Variants in GNS observed in about 807,000 individuals in gnomAD.
GNS encodes the protein N-acetylglucosamine-6-sulfatase.
In GNS, 40 loss-of-function variants were observed where a neutral mutation model predicts 69.7. The ratio of observed to expected loss-of-function variants is 0.57; its 90% CI spans 0.45 to 0.75. The LOEUF (loss-of-function observed/expected upper bound fraction) is 0.75. Among genes scored for constraint, GNS ranks in the 30% least tolerant of loss-of-function variants. GNS has a pLI of 0.00. For missense variants in GNS, 565 were observed against 685.5 expected (o/e 0.82, Z 1.96); for synonymous variants, 243 against 251.6 (o/e 0.97, Z 0.32).
intron 5 of GNS, among the ~76,000 whole-genome samples, chr12:64,744,474 T>C (rs138938673): frequency 6.6e-6 from 1 of 152,324 alleles, no homozygotes; most frequent in East Asian, 1.9e-4. Context: ...AGCTGACATC[T>C]TGTAGCTTGT....
intron 9 of GNS, among the ~76,000 whole-genome samples, chr12:64,735,621 A>ATCTC (rs1286748813): frequency 6.6e-6 from 1 of 152,220 alleles, no homozygotes; most frequent in Non-Finnish European, 1.5e-5. Context: ...TTTCACTATG[A>ATCTC]TCTCATTCAG....
intron 9 of GNS, 186 bp from the exon 10 acceptor site, chr12:64,729,243 AG>A: frequency 1.7e-6 from 1 of 605,568 alleles, no homozygotes; most frequent in East Asian, 2.8e-5. Context: ...CAAAATATAA[AG>A]GCTTATAAGG....
At chr12:64,721,490 C>G in intron 12 of GNS, 105 bp downstream of exon 12, 1 of 756,192 alleles carries the variant, frequency 1.3e-6, no homozygotes, top group Non-Finnish European at 2.5e-6. Context: ...AACACAACCT[C>G]TTCCCTAGGG....
intron 1 of GNS, chr12:64,756,733 A>T: frequency 6.7e-7 from 1 of 1,502,390 alleles, no homozygotes; most frequent in Non-Finnish European, 8.9e-7. Flanking sequence ...GTCCTGTTTG[A>T]CAATTAGTGG....
chr12:64,756,806 G>C (rs1414742082), intron 1 of GNS: 2 of 1,012,256 alleles, frequency 2.0e-6, no homozygotes, highest in African/African-American at 1.6e-5. Flanking sequence ...CATTAAGTTT[G>C]ACTTATGCCC....
intron 10 of GNS, among the ~76,000 whole-genome samples, chr12:64,725,995 C>CAAAAAAAAAA (rs34734900): frequency 2.0e-5 from 1 of 49,214 alleles, no homozygotes; most frequent in Non-Finnish European, 3.5e-5. Context: ...GACTCTGTCT[C>CAAAAAAAAAA]AAAAAAAAAA....
At chr12:64,743,694 G>C (rs1869816771) in intron 5 of GNS, among the ~76,000 whole-genome samples, 1 of 152,182 alleles carries the variant, frequency 6.6e-6, no homozygotes, top group Non-Finnish European at 1.5e-5. Flanking sequence ...AAAACAGTGG[G>C]AAAGGTAGAT....
rs368957412 is a variant in GNS at position 64,739,364 on chromosome 12, C to T, written c.994+17G>A. The T allele has an allele frequency of 1.8e-6, 2 of 1,129,706 alleles. No homozygotes were observed. Among genetic ancestry groups the T allele is most frequent in the Non-Finnish European group, 2.7e-6 (2 of 736,922 alleles). The allele number at this position is 1,129,706 out of a possible 1,614,324, so 70.0% of individuals were successfully genotyped here. A position where few individuals can be genotyped will look rare whatever the true frequency, so the allele number is the denominator to read the frequency against. ...ATATTCTCAAAGATCACAGCAGTACCTACTCCTGCCTCTGACCTGTGTGAT... is the reference window on the plus strand; with the variant it reads ...ATATTCTCAAAGATCACAGCAGTACTTACTCCTGCCTCTGACCTGTGTGAT... On this transcript the variant is annotated intron_variant, in intron 8 of 13. Transcript: ENST00000258145.
chr12:64,729,025 A>G lies in GNS; in HGVS notation c.1131T>C (p.Thr377=), dbSNP rs746703630. 2.5e-6 allele frequency: 4 copies of G among 1,595,838 alleles called. No homozygotes were observed. The highest frequency in any genetic ancestry group is 3.4e-6 in the Non-Finnish European group (4 of 1,163,310). The change falls in exon 10 of 14, where the codon ACT becomes ACC. Residue 377 remains threonine (T), a synonymous_variant. Transcript: ENST00000258145. ...GGTCGTAGCCAGCAATGTCCAAAATAGTAGGACCCAAGTCAATGTTGGCAA... is the reference window on the plus strand; with the variant it reads ...GGTCGTAGCCAGCAATGTCCAAAATGGTAGGACCCAAGTCAATGTTGGCAA... ...MLVANIDLGP[T]ILDIAGYDLN... is the part of the protein sequence containing the mutation.
chr12:64,739,358 C>CA (rs752895384), intron 8 of GNS, 23 bp downstream of exon 8: 1 of 1,056,560 alleles, frequency 9.5e-7, no homozygotes. Flanking sequence ...AAGATCACAG[C>CA]AGTACCTACT....
At chr12:64,742,236 G>T (rs781103878) in intron 6 of GNS, among the ~76,000 whole-genome samples, 9 of 152,096 alleles carry the variant, frequency 5.9e-5, no homozygotes, top group Non-Finnish European at 1.0e-4. Context: ...TAGCCAGGAT[G>T]GTCTCAATCT....
intron 1 of GNS, among the ~76,000 whole-genome samples, chr12:64,756,435 T>TG: frequency 6.6e-6 from 1 of 152,336 alleles, no homozygotes; most frequent in East Asian, 1.9e-4. Context: ...GTGATTATGC[T>TG]GGTGTGGGTA....
rs371013519 is a variant in GNS, at chr12:64,739,629, ACCC to A, written c.876-133_876-131del. The A allele has an allele frequency of 2.6e-4, 164 of 634,752 alleles. 1 individual carries two copies. The highest frequency in any genetic ancestry group is 2.5e-3 in the African/African-American group (132 of 53,596). The allele number at this position is 634,752 out of a possible 1,614,324, so 39.3% of individuals were successfully genotyped here. On this transcript the variant is annotated intron_variant, in intron 7 of 13. Coordinates refer to ENST00000258145, the MANE Select transcript of GNS (RefSeq NM_002076.4). ...CGTTTAAAAAAAAAAATCCAAAACA[ACCC>A]CCGTTTAAAAAAAAAAAATTGCAAA...
At chr12:64,755,449 G>C (rs1032374857) in intron 1 of GNS, among the ~76,000 whole-genome samples, 1 of 151,340 alleles carries the variant, frequency 6.6e-6, no homozygotes, top group African/African-American at 2.4e-5. Context: ...GTGGTGGTGG[G>C]TGCCTGTAAA....
intron 12 of GNS, 31 bp downstream of exon 12, chr12:64,721,564 C>T (rs770914291): frequency 1.6e-5 from 16 of 976,828 alleles, no homozygotes; most frequent in Middle Eastern, 2.1e-4. Context: ...AAGAAAGGAG[C>T]GGGGGAAGTG....
At chr12:64,757,377 G>C (rs897118751) in intron 1 of GNS, among the ~76,000 whole-genome samples, 1 of 152,120 alleles carries the variant, frequency 6.6e-6, no homozygotes, top group Non-Finnish European at 1.5e-5. Context: ...GCTAGAGAAG[G>C]CTTGCTTTTT....
chr12:64,740,614 A>C lies in GNS; in HGVS notation c.867T>G (p.Phe289Leu), dbSNP rs759893796. Residue 289 changes from phenylalanine to leucine, a missense_variant, in exon 7 of 14, where the codon TTT (phenylalanine) becomes TTG (leucine). Phe to Leu is a conservative substitution (Grantham distance 22). This residue lies in a region of GNS where 384 missense variants were observed against 511.0 expected (regional missense o/e 0.75). Coordinates refer to ENST00000258145, the MANE Select transcript of GNS (RefSeq NM_002076.4). ...NSSIQFLDNA[F>L]RKRWQTLLSV... is the part of the protein sequence containing the mutation. ...GTAGCAGCAGCTCTTACCTTTTCCTAAATGCATTATCTAAAAACTGTATTG... is the reference window on the plus strand; with the variant it reads ...GTAGCAGCAGCTCTTACCTTTTCCTCAATGCATTATCTAAAAACTGTATTG... 3 of 1,524,728 alleles carry C rather than the reference A, an allele frequency of 2.0e-6. No individual in the cohort carries two copies. The highest frequency in any genetic ancestry group is 4.5e-5 in the East Asian group (2 of 44,498). The allele number at this position is 1,524,728 out of a possible 1,614,324, so 94.4% of individuals were successfully genotyped here.
intron 10 of GNS, among the ~76,000 whole-genome samples, chr12:64,725,055 C>T (rs1869152617): frequency 6.6e-6 from 1 of 152,090 alleles, no homozygotes; most frequent in Non-Finnish European, 1.5e-5. Context: ...ATTAAAATCA[C>T]CAGGGAAACT....
At chr12:64,731,357 G>A (rs1351518502) in intron 9 of GNS, among the ~76,000 whole-genome samples, 2 of 152,190 alleles carry the variant, frequency 1.3e-5, no homozygotes, top group African/African-American at 2.4e-5. Flanking sequence ...GATTACAGGC[G>A]TGAGCCACTG....
Sources: gnomAD v4.1 joint callset for allele counts (sites outside exome capture counted in the v4.1 genomes callset) on GRCh38, gnomAD v4.1.1 for gene constraint, gnomAD v4.1.1 regional missense constraint, MANE v1.5 for transcripts, NCBI Gene and HGNC (gene_info 2026-07-23, HGNC 2026-07-21) for gene names.